The following CALN1 variants were observed in gnomAD, a reference collection of about 807,000 sequenced individuals.
CALN1 encodes calcium-binding protein 8.
CALN1 carries 17 observed loss-of-function variants against 30.6 expected under a neutral mutation model. The observed-to-expected ratio is 0.56, with a 90% CI of 0.38 to 0.83. The LOEUF is 0.83. Ranked by LOEUF, CALN1 falls within the 40% of genes least tolerant of loss-of-function variation. The probability of loss-of-function intolerance (pLI) is 0.00; values close to 1 mark genes in which losing one functional copy is unlikely to be tolerated. For synonymous variants in CALN1, 156 were observed against 131.4 expected (o/e 1.19, Z -1.28); for missense variants, 291 against 354.9 (o/e 0.82, Z 1.45).
intron 5 of CALN1, among the ~76,000 whole-genome samples, chr7:71,915,186 C>T (rs1794625563): frequency 6.6e-6 from 1 of 152,172 alleles, no homozygotes; most frequent in African/African-American, 2.4e-5. Flanking sequence ...ATCTCACCCC[C>T]TTAGGGGGCC....
intron 5 of CALN1, among the ~76,000 whole-genome samples, chr7:71,813,030 C>T (rs191400977): frequency 1.3e-5 from 2 of 151,798 alleles, no homozygotes; most frequent in African/African-American, 4.8e-5. Context: ...CTCACTGCAA[C>T]CTCCACCTCC....
intron 1 of CALN1, among the ~76,000 whole-genome samples, chr7:72,430,753 C>T (rs542922025): frequency 3.3e-5 from 5 of 152,204 alleles, no homozygotes; most frequent in Admixed American, 6.5e-5. Context: ...TATCCTGTTC[C>T]GGAAGGTGTC....
chr7:72,271,972 G>GA (rs1336036234), intron 3 of CALN1, among the ~76,000 whole-genome samples: 1 of 150,414 alleles, frequency 6.6e-6, no homozygotes, highest in Non-Finnish European at 1.5e-5. Context: ...TGAGGCAGAA[G>GA]AATCGCTTGA....
At chr7:72,404,316 G>A (rs941287601) in intron 1 of CALN1, among the ~76,000 whole-genome samples, 4 of 152,188 alleles carry the variant, frequency 2.6e-5, no homozygotes, top group South Asian at 4.1e-4. Context: ...TTTAGGCCCA[G>A]GCAGGGACAA....
chr7:71,987,090 C>T (rs1339291235), intron 5 of CALN1, among the ~76,000 whole-genome samples: 5 of 151,622 alleles, frequency 3.3e-5, no homozygotes, highest in African/African-American at 1.2e-4. Context: ...CCCGCTACTG[C>T]ACTCCAGCCT....
At chr7:72,226,752 G>A (rs934801712) in intron 3 of CALN1, among the ~76,000 whole-genome samples, 3 of 152,146 alleles carry the variant, frequency 2.0e-5, no homozygotes, top group African/African-American at 7.2e-5. Context: ...AGGAAAATGG[G>A]AACCATAAGT....
At chr7:71,895,000 T>C (rs773438989) in intron 5 of CALN1, among the ~76,000 whole-genome samples, 23 of 152,076 alleles carry the variant, frequency 1.5e-4, no homozygotes, top group Non-Finnish European at 2.6e-4. Flanking sequence ...TGTTGCCCAG[T>C]CTGGAGTGCA....
intron 4 of CALN1, among the ~76,000 whole-genome samples, chr7:72,085,421 C>G (rs1805419645): frequency 6.6e-6 from 1 of 152,108 alleles, no homozygotes; most frequent in East Asian, 1.9e-4. Context: ...TAAGATTGTT[C>G]TATTTTATCA....
chr7:72,129,648 G>A (rs926399980), intron 3 of CALN1, among the ~76,000 whole-genome samples: 1 of 152,162 alleles, frequency 6.6e-6, no homozygotes, highest in Admixed American at 6.6e-5. Flanking sequence ...GGAAGAAGGA[G>A]GGTTGGTAGC....
At chr7:71,927,979 T>C (rs1795353751) in intron 5 of CALN1, among the ~76,000 whole-genome samples, 1 of 152,184 alleles carries the variant, frequency 6.6e-6, no homozygotes. Context: ...TGCAATGGTC[T>C]TTACCTGTGT....
chr7:72,286,759 T>C (rs1236134200), intron 2 of CALN1, among the ~76,000 whole-genome samples: 2 of 152,200 alleles, frequency 1.3e-5, no homozygotes, highest in Admixed American at 6.5e-5. Flanking sequence ...AACACTAACG[T>C]AGTGGTCTGT....
chr7:72,221,309 C>T (rs13308780), intron 3 of CALN1, among the ~76,000 whole-genome samples: 16 of 128,064 alleles, frequency 1.2e-4, no homozygotes, highest in Non-Finnish European at 2.1e-4. Flanking sequence ...CAAGTCTTGG[C>T]TTCTTTTTTT....
chr7:72,296,384 A>G (rs1337944897), intron 2 of CALN1, among the ~76,000 whole-genome samples: 9 of 142,734 alleles, frequency 6.3e-5, no homozygotes, highest in African/African-American at 1.5e-4. Context: ...TCATAAAATG[A>G]GTTAGGGAGG....
At chr7:72,042,719 G>C (rs953503101) in intron 4 of CALN1, among the ~76,000 whole-genome samples, 3 of 152,162 alleles carry the variant, frequency 2.0e-5, no homozygotes, top group Non-Finnish European at 4.4e-5. Flanking sequence ...CTGGGCACCA[G>C]AGTGAGACTT....
intron 3 of CALN1, among the ~76,000 whole-genome samples, chr7:72,122,890 A>T (rs1035199356): frequency 6.6e-6 from 1 of 152,344 alleles, no homozygotes; most frequent in East Asian, 1.9e-4. Context: ...ACATCTAAGC[A>T]GTACTAAAGA....
At chr7:71,814,544 T>C (rs536565259) in intron 5 of CALN1, among the ~76,000 whole-genome samples, 2 of 152,222 alleles carry the variant, frequency 1.3e-5, no homozygotes, top group African/African-American at 2.4e-5. Flanking sequence ...CCAGCTATAA[T>C]TGAGCCTTGA....
At chr7:72,315,059 G>A (rs904564219) in intron 2 of CALN1, among the ~76,000 whole-genome samples, 5 of 151,854 alleles carry the variant, frequency 3.3e-5, no homozygotes, top group African/African-American at 1.2e-4. Flanking sequence ...GCTGAGGCAG[G>A]AGGATCACTT....
chr7:72,398,149 G>A (rs1030040046), intron 2 of CALN1, among the ~76,000 whole-genome samples: 13 of 152,182 alleles, frequency 8.5e-5, no homozygotes, highest in Admixed American at 5.2e-4. Context: ...GAGGAGTCCA[G>A]CTGATGATTC....
rs368754335 is a variant in CALN1 at position 72,041,952 on chromosome 7, CAT to C, written c.389-18185_389-18184del. On this transcript the variant is annotated intron_variant, in intron 4 of 6. Coordinates refer to ENST00000395275, the MANE Select transcript of CALN1 (RefSeq NM_031468.4). ...CCCCAGCCATGTGGAACTATGAGTCCATTAAAGCTATTTCCTTTATAAATTAC... is the reference window on the plus strand; with the variant it reads ...CCCCAGCCATGTGGAACTATGAGTCCTAAAGCTATTTCCTTTATAAATTAC... 2.7e-4 allele frequency among the ~76,000 whole-genome samples: 41 copies of C among 152,232 alleles called. No individual in the cohort carries two copies. The East Asian group carries it at 3.9e-3, about 14-fold the overall frequency.
Sources: allele counts gnomAD v4.1 joint callset (sites outside exome capture counted in the v4.1 genomes callset), GRCh38; gene constraint gnomAD v4.1.1; transcripts MANE v1.5; gene names NCBI Gene and HGNC (gene_info 2026-07-23, HGNC 2026-07-21).